Variants in IFT74 observed in about 807,000 individuals in gnomAD.
IFT74 encodes the protein intraflagellar transport 74.
Under a neutral mutation model 96.7 loss-of-function variants are expected in IFT74, and 92 were observed. That is an observed-to-expected ratio of 0.95 (90% confidence interval 0.80 to 1.13). The LOEUF (loss-of-function observed/expected upper bound fraction) is 1.13, where lower values mean the gene tolerates loss of function less well. Ranked by LOEUF, IFT74 falls within the 50% of genes most tolerant of loss-of-function variation. The pLI is 0.00. For synonymous variants in IFT74, 223 were observed against 213.2 expected (o/e 1.05, Z -0.40); for missense variants, 811 against 698.2 (o/e 1.16, Z -1.82).
chr9:26,947,686 C>T (rs1198411669), intron 1 of IFT74, among the ~76,000 whole-genome samples: 1 of 152,174 alleles, frequency 6.6e-6, no homozygotes, highest in Non-Finnish European at 1.5e-5. Flanking sequence ...TCAATTAAAA[C>T]GAGAAAGCTT....
At chr9:27,002,713 C>G (rs548416102) in intron 8 of IFT74, among the ~76,000 whole-genome samples, 61 of 152,100 alleles carry the variant, frequency 4.0e-4, no homozygotes, top group African/African-American at 1.5e-3. Flanking sequence ...ATTTTGAAGT[C>G]AGGTAGTGTG....
chr9:27,005,149 C>T (rs1046589039), intron 8 of IFT74, among the ~76,000 whole-genome samples: 2 of 151,286 alleles, frequency 1.3e-5, no homozygotes, highest in Non-Finnish European at 2.9e-5. Flanking sequence ...AGATTTAAAA[C>T]CTTTTTGTAA....
Position 27,057,404 on chromosome 9 carries a change from A to G in IFT74, c.1623+945A>G, listed in dbSNP as rs140517128. 7.3e-5 allele frequency among the ~76,000 whole-genome samples: 11 copies of G among 151,698 alleles called. No homozygotes were observed. The South Asian group carries it at 8.3e-4, about 11-fold the overall frequency. ...TGCCCTGTGGTATTGGTTGGCACAT[A>G]GTAGGTACTCAGCAATTATTTGTTG... On this transcript the variant is annotated intron_variant, in intron 18 of 19. Transcript: ENST00000380062.
intron 1 of IFT74, among the ~76,000 whole-genome samples, chr9:26,958,128 T>C (rs554399660): frequency 1.9e-4 from 29 of 152,306 alleles, no homozygotes; most frequent in Non-Finnish European, 3.2e-4. Context: ...ATTTAAAAGA[T>C]ACAAGAGAGA....
intron 10 of IFT74, among the ~76,000 whole-genome samples, chr9:27,012,735 T>TTTTTC: frequency 8.5e-6 from 1 of 118,168 alleles, no homozygotes; most frequent in Non-Finnish European, 1.8e-5. Flanking sequence ...TTTTTTTTTT[T>TTTTTC]AGACAGAGTA....
chr9:26,987,663 CCTT>C lies in IFT74; in HGVS notation c.466-1003_466-1001del, dbSNP rs1262306935. Among the ~76,000 whole-genome samples, 3 of 152,082 alleles carry C rather than the reference CCTT, an allele frequency of 2.0e-5. No individual in the cohort carries two copies. In the East Asian group the frequency reaches 5.8e-4, roughly 29 times the overall value. On this transcript the variant is annotated intron_variant, in intron 6 of 19. Transcript: ENST00000380062. ...ACCCAAATAGTTTGCTTTTAGTAGA[CCTT>C]CTGTTCACATTCTGGCTCTATCGCT...
At chr9:27,019,976 A>T (rs546958499) in intron 12 of IFT74, among the ~76,000 whole-genome samples, 121 of 143,084 alleles carry the variant, frequency 8.5e-4, no homozygotes, top group Non-Finnish European at 1.4e-3. Context: ...TTTTAATTTA[A>T]TTTTTTTTTT....
chr9:27,001,215 A>C (rs10967653), intron 8 of IFT74, among the ~76,000 whole-genome samples: 2,193 of 152,096 alleles, frequency 0.014, 56 homozygotes, highest in African/African-American at 0.049. Context: ...GTTGATGGGC[A>C]CTTAGGTTGA....
At chr9:27,034,156 A>C (rs1456212756) in intron 13 of IFT74, among the ~76,000 whole-genome samples, 1 of 152,272 alleles carries the variant, frequency 6.6e-6, no homozygotes, top group African/African-American at 2.4e-5. Flanking sequence ...ATTACTTTCC[A>C]GATTCAAGTA....
intron 1 of IFT74, among the ~76,000 whole-genome samples, chr9:26,957,471 T>C (rs1470123240): frequency 6.6e-6 from 1 of 152,190 alleles, no homozygotes; most frequent in Non-Finnish European, 1.5e-5. Flanking sequence ...GCTTTGTACA[T>C]AGAGTTCAAA....
intron 15 of IFT74, among the ~76,000 whole-genome samples, chr9:27,047,900 T>C (rs549681883): frequency 2.6e-5 from 4 of 152,278 alleles, no homozygotes; most frequent in South Asian, 2.1e-4. Context: ...AATAGTGTAG[T>C]TGAATTTTTT....
intron 12 of IFT74, among the ~76,000 whole-genome samples, chr9:27,023,840 C>T (rs1234048109): frequency 6.6e-6 from 1 of 152,210 alleles, no homozygotes; most frequent in Non-Finnish European, 1.5e-5. Context: ...GGAGTCTGAG[C>T]TGAGACACGC....
intron 16 of IFT74, among the ~76,000 whole-genome samples, chr9:27,054,300 T>C (rs915819266): frequency 6.6e-6 from 1 of 152,232 alleles, no homozygotes; most frequent in Admixed American, 6.5e-5. Context: ...TTTACCTTCC[T>C]CTTTGTGTGA....
chr9:27,030,867 A>G (rs1450427316), intron 13 of IFT74, among the ~76,000 whole-genome samples: 2 of 152,244 alleles, frequency 1.3e-5, no homozygotes, highest in Non-Finnish European at 2.9e-5. Flanking sequence ...TGTTCTTCCA[A>G]GTAAAGCAGA....
At position 27,020,720 on chromosome 9, in the gene IFT74, C is replaced by T. The variant is rs1039885228; in HGVS notation, c.974+2033C>T. 5.9e-5 allele frequency among the ~76,000 whole-genome samples: 9 copies of T among 152,156 alleles called. 1 individual carries two copies. Among genetic ancestry groups the T allele is most frequent in the African/African-American group, 7.2e-5 (3 of 41,540 alleles). On this transcript the variant is annotated intron_variant, in intron 12 of 19. Transcript: ENST00000380062. The stretch of plus-strand genomic sequence containing the variant: ...CGATCTCCTGACCTCGTGATCTGCC[C>T]GCCTCGGCCTCCCAAAGTGCTGGGT...
At chr9:27,020,101 G>A (rs1425312122) in intron 12 of IFT74, among the ~76,000 whole-genome samples, 4 of 150,994 alleles carry the variant, frequency 2.6e-5, no homozygotes, top group Non-Finnish European at 5.9e-5. Flanking sequence ...TCAGCCTCCC[G>A]AGTAGCTGGG....
At chr9:26,973,203 G>C (rs952491279) in intron 2 of IFT74, among the ~76,000 whole-genome samples, 2 of 152,160 alleles carry the variant, frequency 1.3e-5, no homozygotes, top group Non-Finnish European at 2.9e-5. Context: ...GGCTGAGAAT[G>C]GTGTAACGGT....
At chr9:26,980,644 C>G (rs375317034) in intron 4 of IFT74, 25 bp downstream of exon 4, 1 of 1,475,118 alleles carries the variant, frequency 6.8e-7, no homozygotes, top group Non-Finnish European at 9.4e-7. Flanking sequence ...TCTTTTCATC[C>G]GTATGTTTTA....
Position 26,986,948 on chromosome 9 carries a change from A to C in IFT74, c.466-1721A>C, listed in dbSNP as rs138033418. Among the ~76,000 whole-genome samples the C allele has an allele frequency of 1.2e-3, 190 of 152,310 alleles. 2 individuals are homozygous for C. Among genetic ancestry groups the C allele is most frequent in the African/African-American group, 4.5e-3 (185 of 41,566 alleles). ...CTCTTATAATTCTTAAATTTCCTGG[A>C]CTACACAATTCATCACAAACATTTT... On this transcript the variant is annotated intron_variant, in intron 6 of 19. Transcript: ENST00000380062.
Sources: gnomAD v4.1 joint callset for allele counts (sites outside exome capture counted in the v4.1 genomes callset) on GRCh38, gnomAD v4.1.1 for gene constraint, MANE v1.5 for transcripts, NCBI Gene and HGNC (gene_info 2026-07-23, HGNC 2026-07-21) for gene names.